The following MTCL1 variants were observed in gnomAD, a reference collection of about 807,000 sequenced individuals.
The protein encoded by MTCL1 is microtubule cross-linking factor 1.
In MTCL1, 79 loss-of-function variants were observed where a neutral mutation model predicts 141.4. The observed-to-expected ratio is 0.56, with a 90% CI of 0.47 to 0.67. The LOEUF is 0.67. MTCL1 is among the 30% of genes least tolerant of loss of function. The pLI, the probability that MTCL1 is intolerant of heterozygous loss-of-function variation, is 0.00. For synonymous variants in MTCL1, 914 were observed against 875.8 expected, an observed-to-expected ratio of 1.04 and a Z score of -0.77; for missense variants, 2,177 against 2,113.9, an observed-to-expected ratio of 1.03 and a Z score of -0.59.
chr18:8,736,342 CTA>C (rs1412874910), intron 4 of MTCL1, among the ~76,000 whole-genome samples: 1 of 152,142 alleles, frequency 6.6e-6, no homozygotes, highest in African/African-American at 2.4e-5. Flanking sequence ...TAAGTTGAAA[CTA>C]TATTAAGTCA....
At chr18:8,744,953 C>G (rs1047218427) in intron 4 of MTCL1, among the ~76,000 whole-genome samples, 2 of 152,198 alleles carry the variant, frequency 1.3e-5, no homozygotes, top group African/African-American at 2.4e-5. Context: ...AGCCAGCCCC[C>G]CTGAGCTGTC....
intron 12 of MTCL1, among the ~76,000 whole-genome samples, chr18:8,816,732 T>C (rs10468788): frequency 1.3e-5 from 2 of 152,228 alleles, no homozygotes; most frequent in African/African-American, 4.8e-5. Flanking sequence ...AGTGGCCTTT[T>C]TTCTTTCTAC....
exon 3 of MTCL1, chr18:8,718,635 A>T: frequency 6.2e-7 from 1 of 1,612,946 alleles, no homozygotes; most frequent in African/African-American, 1.3e-5. Flanking sequence ...CGAAGCCTGG[A>T]GCAGGACTTG....
intron 10 of MTCL1, among the ~76,000 whole-genome samples, chr18:8,805,119 A>ATATATATATATATATATAT (rs56963661): frequency 6.6e-6 from 1 of 151,002 alleles, no homozygotes; most frequent in African/African-American, 2.4e-5. Context: ...ATATATATAT[A>ATATATATATATATATATAT]GAATTTTAGG....
chr18:8,831,477 TA>T, intron 16 of MTCL1, 129 bp from the exon 15 acceptor site: 2 of 1,448,690 alleles, frequency 1.4e-6, no homozygotes, highest in Non-Finnish European at 1.8e-6. Context: ...AGAAAGTAGT[TA>T]ATATTCACGA....
chr18:8,827,454 C>A (rs1310713492), intron 15 of MTCL1, among the ~76,000 whole-genome samples: 2 of 152,220 alleles, frequency 1.3e-5, no homozygotes, highest in Non-Finnish European at 2.9e-5. Flanking sequence ...ACACCTAATA[C>A]AAATATTGAT....
At chr18:8,765,531 TC>T (rs1277068730) in intron 4 of MTCL1, among the ~76,000 whole-genome samples, 3 of 152,264 alleles carry the variant, frequency 2.0e-5, no homozygotes, top group Admixed American at 6.5e-5. Context: ...TTCGCACACC[TC>T]CATCTTCTCC....
At chr18:8,770,655 A>G (rs1390812888) in intron 4 of MTCL1, among the ~76,000 whole-genome samples, 1 of 152,214 alleles carries the variant, frequency 6.6e-6, no homozygotes, top group Non-Finnish European at 1.5e-5. Context: ...AGACACAAAC[A>G]TTTAGTCCAT....
At chr18:8,775,464 TG>T (rs1381202599) in intron 4 of MTCL1, among the ~76,000 whole-genome samples, 1 of 149,652 alleles carries the variant, frequency 6.7e-6, no homozygotes, top group East Asian at 2.0e-4. Flanking sequence ...TCCCAGCTAC[TG>T]GGGAGGCTGA....
At chr18:8,768,667 A>G (rs972887653) in intron 4 of MTCL1, among the ~76,000 whole-genome samples, 22 of 152,212 alleles carry the variant, frequency 1.4e-4, no homozygotes, top group South Asian at 6.2e-4. Flanking sequence ...TTTGTTTTCA[A>G]AGTAGTTCTA....
At chr18:8,785,876 G>C (rs2096551607) in intron 6 of MTCL1, 60 bp from the exon 6 acceptor site, 1 of 1,516,036 alleles carries the variant, frequency 6.6e-7, no homozygotes, top group Admixed American at 2.2e-5. Context: ...TTGTTTGTTT[G>C]TTTTTTTGTT....
Position 8,705,995 on chromosome 18 carries a change from C to T in MTCL1, c.335C>T (p.Pro112Leu). 3 of 1,150,926 alleles carry T rather than the reference C, an allele frequency of 2.6e-6. No homozygotes were observed. The highest frequency in any genetic ancestry group is 3.2e-6 in the Non-Finnish European group (3 of 937,574). 71.3% of individuals were successfully genotyped at this position (1,150,926 alleles called of 1,614,324 possible). A position where few individuals can be genotyped will look rare whatever the true frequency, so the allele number is the denominator to read the frequency against. ...GTCCCGGGCGCGAAGGACAAGCCCC[C>T]GCCGGGCGCCGGGGCCAGAGCGGCG... Residue 112 changes from proline (P) to leucine (L), a missense_variant, in exon 1 of 14, where the codon CCG becomes CTG. Pro to Leu is a moderately conservative substitution (Grantham distance 98, BLOSUM62 -3). Coordinates refer to the MTCL1 transcript ENST00000306329. This position sits in a 1 kb window ranked among gnomAD's most constrained non-coding sequence, Gnocchi z 5.2.
At chr18:8,781,575 AAATT>A (rs2096532824) in intron 5 of MTCL1, among the ~76,000 whole-genome samples, 3 of 152,236 alleles carry the variant, frequency 2.0e-5, no homozygotes, top group African/African-American at 4.8e-5. Context: ...ACAAATAAGA[AAATT>A]AATTTCAGGG....
At chr18:8,722,337 T>C (rs933289692) in intron 4 of MTCL1, among the ~76,000 whole-genome samples, 11 of 152,124 alleles carry the variant, frequency 7.2e-5, no homozygotes, top group Admixed American at 5.9e-4. Context: ...GGCGGGAGGA[T>C]TGCTTGTGCC....
At chr18:8,824,750 C>A in exon 15 of MTCL1, 1 of 1,614,058 alleles carries the variant, frequency 6.2e-7, no homozygotes, top group East Asian at 2.2e-5. Context: ...TGGACATCTC[C>A]CCCTTCCTGC....
rs745312691 is a variant in MTCL1, at chr18:8,813,024, G to A, written c.2650G>A (p.Ala884Thr). Residue 884 changes from alanine to threonine, a missense_variant, in exon 12 of 17, where the codon GCT (alanine) becomes ACT (threonine). Physicochemically the swap from Ala to Thr is moderately conservative, Grantham distance 58. Coordinates refer to ENST00000359865, the Ensembl canonical transcript of MTCL1. ...CAAGTTGGGAGAACTAGGCTCCTCC[G>A]CTGAGAGCAAGGGGGCCTTGAAGAA... 2.9e-5 allele frequency: 47 copies of A among 1,614,016 alleles called. No homozygotes were observed. In the South Asian group the frequency reaches 4.3e-4, roughly 15 times the overall value.
intron 16 of MTCL1, chr18:8,829,152 T>A (rs2077119554): frequency 6.1e-6 from 6 of 985,508 alleles, no homozygotes; most frequent in Non-Finnish European, 6.0e-6. Flanking sequence ...TCTGCTCTGC[T>A]AGAGGGTTGA....
chr18:8,724,207 C>T (rs1281797193), intron 4 of MTCL1, among the ~76,000 whole-genome samples: 7 of 152,052 alleles, frequency 4.6e-5, no homozygotes, highest in Admixed American at 3.9e-4. Context: ...GTTAGGAGTT[C>T]GAGACCAGCC....
chr18:8,796,525 T>C, intron 9 of MTCL1, 63 bp downstream of exon 8: 2 of 1,494,490 alleles, frequency 1.3e-6, no homozygotes, highest in Non-Finnish European at 1.9e-6. Flanking sequence ...AGACACTGCT[T>C]TCTCCTCACC....
Sources: allele counts gnomAD v4.1 joint callset (sites outside exome capture counted in the v4.1 genomes callset), GRCh38; gene constraint gnomAD v4.1.1; non-coding constraint Gnocchi (gnomAD v3.1); transcripts MANE v1.5; gene names NCBI Gene and HGNC (gene_info 2026-07-23, HGNC 2026-07-21).